SPATA21: variants seen among roughly 807,000 people sequenced by gnomAD.
SPATA21 encodes spermatogenesis-associated protein 21.
SPATA21 carries 47 observed loss-of-function variants against 54.8 expected under a neutral mutation model. That is an observed-to-expected ratio of 0.86 (90% CI 0.68 to 1.09). The LOEUF is 1.09. Ranked by LOEUF, SPATA21 falls within the 50% of genes least tolerant of loss-of-function variation. The probability of loss-of-function intolerance (pLI) is 0.00; values close to 1 mark genes in which losing one functional copy is unlikely to be tolerated. For synonymous variants in SPATA21, 245 were observed against 235.3 expected, an observed-to-expected ratio of 1.04 and a Z score of -0.38; for missense variants, 599 against 596.4, an observed-to-expected ratio of 1.00 and a Z score of -0.05.
chr1:16,430,767 A>G (rs1010279201), intron 3 of SPATA21, among the ~76,000 whole-genome samples: 10 of 152,146 alleles, frequency 6.6e-5, no homozygotes, highest in Admixed American at 4.6e-4. Context: ...GTATCAAGAG[A>G]TCCAGACCAC....
rs373260834 is a variant in SPATA21, at chr1:16,409,872, G to C, written c.316C>G (p.Arg106Gly). 10 of 1,611,340 alleles carry C rather than the reference G, an allele frequency of 6.2e-6. No individual in the cohort carries two copies. The highest frequency in any genetic ancestry group is 1.7e-5 in the Admixed American group (1 of 59,582). ...EASHRRASKA[R>G]SQTAQKSPRT... ...GGCGACTTCTGGGCTGTCTGGGACCGGGCCTTCGAGGCTCTCCGATGGGAG... is the reference window on the plus strand; with the variant it reads ...GGCGACTTCTGGGCTGTCTGGGACCCGGCCTTCGAGGCTCTCCGATGGGAG... The change falls in exon 6 of 13, where the codon CGG (arginine) becomes GGG (glycine). Residue 106 changes from arginine to glycine, a missense_variant. Physicochemically the swap from Arg to Gly is moderately radical, Grantham distance 125 (BLOSUM62 -2). Coordinates refer to ENST00000335496, the MANE Select transcript of SPATA21 (RefSeq NM_198546.1). This position sits in a 1 kb window ranked among gnomAD's most constrained non-coding sequence, Gnocchi z 4.1.
intron 5 of SPATA21, among the ~76,000 whole-genome samples, chr1:16,414,462 C>T (rs752911508): frequency 1.3e-5 from 2 of 152,170 alleles, no homozygotes; most frequent in African/African-American, 2.4e-5. Context: ...AGTTTCACAA[C>T]TGTTTTTGGT....
rs753718705 is a variant in SPATA21, at chr1:16,402,423, A to G, written c.1001+1304T>C. ...ATTACAGGCACCCGCCACCACGCCC[A>G]GCTAATTTTTTGTATTTTCAGTAGA... On this transcript the variant is annotated intron_variant, in intron 10 of 12. Transcript: ENST00000335496. Among the ~76,000 whole-genome samples, 249 of 149,810 alleles carry G rather than the reference A, an allele frequency of 1.7e-3. 2 individuals carry two copies. Among genetic ancestry groups the G allele is most frequent in the Non-Finnish European group, 2.1e-3 (141 of 67,470 alleles).
chr1:16,409,301 G>A lies in SPATA21; in HGVS notation c.588-98C>T. On this transcript the variant is annotated intron_variant, in intron 6 of 12. Coordinates refer to ENST00000335496, the MANE Select transcript of SPATA21 (RefSeq NM_198546.1). The surrounding 1 kb of genome is among the most constrained non-coding windows in gnomAD (Gnocchi z 4.1). ...GGGGAGCCTGCAGGAGGAGGTCGTGGGGGAGGCTTTGGGGAGCCCGGAGAG... is the reference window on the plus strand; with the variant it reads ...GGGGAGCCTGCAGGAGGAGGTCGTGAGGGAGGCTTTGGGGAGCCCGGAGAG... 1 of 1,368,200 alleles carries A rather than the reference G, an allele frequency of 7.3e-7. No individual in the cohort carries two copies. Among genetic ancestry groups the A allele is most frequent in the Non-Finnish European group, 1.0e-6 (1 of 976,764 alleles). 84.8% of individuals were successfully genotyped at this position (1,368,200 alleles called of 1,614,324 possible).
At chr1:16,432,266 C>T (rs1021345971) in intron 2 of SPATA21, among the ~76,000 whole-genome samples, 3 of 151,918 alleles carry the variant, frequency 2.0e-5, no homozygotes, top group Non-Finnish European at 4.4e-5. Flanking sequence ...GGATTTTAGG[C>T]GGCCGCCACC....
intron 3 of SPATA21, among the ~76,000 whole-genome samples, chr1:16,423,838 C>T (rs2086242292): frequency 2.0e-5 from 3 of 152,140 alleles, no homozygotes; most frequent in South Asian, 2.1e-4. Context: ...CCACCGCACC[C>T]GACCTAGATG....
rs1357010461 is a variant in SPATA21 at position 16,421,466 on chromosome 1, C to G, written c.144+43G>C. The G allele has an allele frequency of 6.3e-7, 1 of 1,584,418 alleles. No individual in the cohort carries two copies. The highest frequency in any genetic ancestry group is 8.6e-7 in the Non-Finnish European group (1 of 1,164,888). On this transcript the variant is annotated intron_variant, in intron 5 of 12. Coordinates refer to ENST00000335496, the MANE Select transcript of SPATA21 (RefSeq NM_198546.1). This position sits in a 1 kb window ranked among gnomAD's most constrained non-coding sequence, Gnocchi z 5.2. Reference sequence around the variant, plus strand: ...CCTCCTCCTGATCCCCCCTGCCTTTCTCCTACACAGCTCGTCCCCGTTCCC... The same window carrying G: ...CCTCCTCCTGATCCCCCCTGCCTTTGTCCTACACAGCTCGTCCCCGTTCCC...
At chr1:16,429,010 G>C (rs1450033035) in intron 3 of SPATA21, among the ~76,000 whole-genome samples, 1 of 152,094 alleles carries the variant, frequency 6.6e-6, no homozygotes, top group East Asian at 1.9e-4. Flanking sequence ...TAAATGGGTG[G>C]ATGAAGGAAG....
rs779696732 is a variant in SPATA21 at position 16,400,906 on chromosome 1, G to C, written c.1002-14C>G. ...TTCTGGTAGTAGCTGGGGAGGCAGT[G>C]CCCACCCATCTCAGCCTGGCTGTGT... On this transcript the variant is annotated splice_polypyrimidine_tract_variant and intron_variant, in intron 10 of 12. Coordinates refer to ENST00000335496, the MANE Select transcript of SPATA21 (RefSeq NM_198546.1). 1 of 1,609,682 alleles carries C rather than the reference G, an allele frequency of 6.2e-7. No individual in the cohort carries two copies. The highest frequency in any genetic ancestry group is 1.1e-5 in the South Asian group (1 of 90,784).
intron 7 of SPATA21, among the ~76,000 whole-genome samples, chr1:16,405,457 A>G (rs1425212595): frequency 6.7e-6 from 1 of 150,340 alleles, no homozygotes; most frequent in Non-Finnish European, 1.5e-5. Context: ...AGCCACGGCA[A>G]CACAGGGAGA....
At chr1:16,400,942 C>T (rs746187090) in intron 10 of SPATA21, 50 bp from the exon 11 acceptor site, 2 of 1,580,324 alleles carry the variant, frequency 1.3e-6, no homozygotes, top group Non-Finnish European at 1.7e-6. Flanking sequence ...TTAATTCACC[C>T]TTCTCCTCCT....
At position 16,424,330 on chromosome 1, in the gene SPATA21, C is replaced by T. The variant is rs1474475735; in HGVS notation, c.35-2359G>A. ...TGTCTCAAAAAAAAAAAAAATCTTA[C>T]AGATAAATAAAAAAAGATCTTGTGG... On this transcript the variant is annotated intron_variant, in intron 3 of 12. Coordinates refer to ENST00000335496, the MANE Select transcript of SPATA21 (RefSeq NM_198546.1). Among the ~76,000 whole-genome samples the T allele has an allele frequency of 6.8e-5, 10 of 148,132 alleles. No homozygotes were observed. In the Admixed American group the frequency reaches 6.8e-4, roughly 10 times the overall value.
Position 16,414,913 on chromosome 1 carries a change from G to A in SPATA21, c.145-4870C>T, listed in dbSNP as rs199940182. Among the ~76,000 whole-genome samples, 187 of 52,596 alleles carry A rather than the reference G, an allele frequency of 3.6e-3. 1 individual carries two copies. Among genetic ancestry groups the A allele is most frequent in the Middle Eastern group, 0.012 (1 of 82 alleles). 34.5% of individuals were successfully genotyped at this position (52,596 alleles called of 152,430 possible). A position where few individuals can be genotyped will look rare whatever the true frequency, so the allele number is the denominator to read the frequency against. On this transcript the variant is annotated intron_variant, in intron 5 of 12. Transcript: ENST00000335496. ...CATCTCAAAAAAAAAAAAAAAAAAA[G>A]ATTCTAGTTGAGTATTCTGACAGCC...
In SPATA21 at chr1:16,409,272, G is replaced by T; in HGVS notation, c.588-69C>A. On this transcript the variant is annotated intron_variant, in intron 6 of 12. Coordinates refer to ENST00000335496, the MANE Select transcript of SPATA21 (RefSeq NM_198546.1). The surrounding 1 kb of genome is among the most constrained non-coding windows in gnomAD (Gnocchi z 4.1). ...CACCCTGCTGATAGCTAGGGGAGGG[G>T]TTGGGGGAGCCTGCAGGAGGAGGTC... 1 of 1,568,056 alleles carries T rather than the reference G, an allele frequency of 6.4e-7. No individual in the cohort carries two copies. The highest frequency in any genetic ancestry group is 8.7e-7 in the Non-Finnish European group (1 of 1,143,486).
At chr1:16,418,256 TTCTC>T (rs932609128) in intron 5 of SPATA21, among the ~76,000 whole-genome samples, 3 of 152,134 alleles carry the variant, frequency 2.0e-5, no homozygotes, top group Non-Finnish European at 4.4e-5. Flanking sequence ...TAGTTCTTAT[TTCTC>T]TCTCTCTTTT....
Position 16,428,241 on chromosome 1 carries a change from C to T in SPATA21, c.34+3097G>A, listed in dbSNP as rs529852087. Among the ~76,000 whole-genome samples the T allele has an allele frequency of 6.6e-6, 1 of 152,182 alleles. No individual in the cohort carries two copies. Among genetic ancestry groups the T allele is most frequent in the Non-Finnish European group, 1.5e-5 (1 of 68,042 alleles). On this transcript the variant is annotated intron_variant, in intron 3 of 12. Transcript: ENST00000335496. The surrounding 1 kb of genome is among the most constrained non-coding windows in gnomAD (Gnocchi z 4.3). ...TTAGCACGTAAGGCTCTGGTATGAA[C>T]TGGAGTCCAGATTAGTACCCGAGAC...
chr1:16,409,842 T>G lies in SPATA21; in HGVS notation c.346A>C (p.Thr116Pro), dbSNP rs1570130307. 1.9e-6 allele frequency: 3 copies of G among 1,603,082 alleles called. No homozygotes were observed. The highest frequency in any genetic ancestry group is 1.1e-5 in the South Asian group (1 of 89,180). ...GCTGAGGTGGGCACCGGGGTCAGGG[T>G]CCTGGGCGACTTCTGGGCTGTCTGG... ...RSQTAQKSPRTLTPVPTSAPS... is the reference protein window; with the variant it reads ...RSQTAQKSPRPLTPVPTSAPS... Residue 116 changes from threonine (T) to proline (P), a missense_variant, in exon 6 of 13, where the codon ACC (threonine) becomes CCC (proline). Coordinates refer to ENST00000335496, the MANE Select transcript of SPATA21 (RefSeq NM_198546.1). The surrounding 1 kb of genome is among the most constrained non-coding windows in gnomAD (Gnocchi z 4.1).
intron 3 of SPATA21, among the ~76,000 whole-genome samples, chr1:16,427,207 A>G (rs956520327): frequency 6.6e-6 from 1 of 152,110 alleles, no homozygotes; most frequent in African/African-American, 2.4e-5. Flanking sequence ...TGAAACAGGT[A>G]TGCTTAAATG....
intron 3 of SPATA21, among the ~76,000 whole-genome samples, chr1:16,424,264 G>T (rs1399599548): frequency 8.2e-6 from 1 of 121,878 alleles, no homozygotes. Flanking sequence ...AGTGAGCCGA[G>T]ATTGCGCCAC....
Sources: allele counts gnomAD v4.1 joint callset (sites outside exome capture counted in the v4.1 genomes callset), GRCh38; gene constraint gnomAD v4.1.1; non-coding constraint Gnocchi (gnomAD v3.1); transcripts MANE v1.5; gene names NCBI Gene and HGNC (gene_info 2026-07-23, HGNC 2026-07-21).